Variants in CNTLN observed in about 807,000 individuals in gnomAD.
The protein encoded by CNTLN is centlein, centrosomal protein.
CNTLN carries 212 observed loss-of-function variants against 180.0 expected under a neutral mutation model. That is an observed-to-expected ratio of 1.18 (90% CI 1.05 to 1.32). The LOEUF (loss-of-function observed/expected upper bound fraction) is 1.32, where lower values mean the gene tolerates loss of function less well. Ranked by LOEUF, CNTLN falls within the 40% of genes most tolerant of loss-of-function variation. The pLI is 0.00. For missense variants in CNTLN, 2,095 were observed against 1,610.9 expected (o/e 1.30, Z -5.14); for synonymous variants, 722 against 563.1 (o/e 1.28, Z -3.99).
the CNTLN span, among the ~76,000 whole-genome samples, chr9:17,521,989 G>C: frequency 6.6e-6 from 1 of 151,714 alleles, no homozygotes; most frequent in Non-Finnish European, 1.5e-5. Context: ...ATCATATTGG[G>C]TTGTAGAATC....
intron 2 of CNTLN, among the ~76,000 whole-genome samples, chr9:17,216,357 TC>T (rs1823753970): frequency 2.0e-5 from 3 of 152,194 alleles, no homozygotes; most frequent in African/African-American, 7.2e-5. Flanking sequence ...AATACTTTTT[TC>T]TTGTGCTCAC....
At chr9:17,398,062 C>T (rs1826672707) in intron 15 of CNTLN, among the ~76,000 whole-genome samples, 1 of 151,824 alleles carries the variant, frequency 6.6e-6, no homozygotes, top group East Asian at 1.9e-4. Context: ...AATACTATAT[C>T]ATATGATTAT....
intron 5 of CNTLN, among the ~76,000 whole-genome samples, chr9:17,262,578 G>A (rs1448175603): frequency 6.6e-6 from 1 of 151,412 alleles, no homozygotes; most frequent in Non-Finnish European, 1.5e-5. Context: ...CTGTTGTGGG[G>A]TAGTGGGGAA....
At position 17,277,186 on chromosome 9, in the gene CNTLN, C is replaced by G. The variant is rs551351389; in HGVS notation, c.983+3320C>G. 6.3e-5 allele frequency among the ~76,000 whole-genome samples: 6 copies of G among 95,354 alleles called. No individual in the cohort carries two copies. The East Asian group carries it at 1.3e-3, about 21-fold the overall frequency. 62.6% of individuals were successfully genotyped at this position (95,354 alleles called of 152,430 possible). ...AAGGATATTTTTGTGAACTCTACCT[C>G]AAATGATTTTTGCCTAGGTTACAGT... On this transcript the variant is annotated intron_variant, in intron 6 of 25. Transcript: ENST00000380647.
chr9:17,433,219 G>C (rs1829536925), intron 18 of CNTLN, among the ~76,000 whole-genome samples: 1 of 151,814 alleles, frequency 6.6e-6, no homozygotes, highest in Non-Finnish European at 1.5e-5. Flanking sequence ...TAAGCTTTAA[G>C]TATGATGCTT....
intron 18 of CNTLN, among the ~76,000 whole-genome samples, chr9:17,442,095 A>T (rs934350940): frequency 1.3e-5 from 2 of 152,182 alleles, no homozygotes; most frequent in African/African-American, 4.8e-5. Flanking sequence ...AGACGTAAGT[A>T]CTCCACTTTC....
intron 23 of CNTLN, among the ~76,000 whole-genome samples, chr9:17,467,843 A>G (rs111614241): frequency 0.014 from 2,156 of 151,802 alleles, 16 homozygotes; most frequent in Non-Finnish European, 0.025. Flanking sequence ...AAATTCTCAA[A>G]AAGTGAAAAA....
At position 17,457,693 on chromosome 9, in the gene CNTLN, A is replaced by T. The variant is rs762648975; in HGVS notation, c.3284A>T (p.Lys1095Met). 9.3e-5 allele frequency: 139 copies of T among 1,495,508 alleles called. No individual in the cohort carries two copies. Among genetic ancestry groups the T allele is most frequent in the Non-Finnish European group, 1.1e-4 (128 of 1,120,174 alleles). The allele number at this position is 1,495,508 out of a possible 1,614,324, so 92.6% of individuals were successfully genotyped here. The part of the protein sequence containing the change: ...SPSRSMDLEM[K>M]QLQYKLKNAT... ...TCAAGGAGCATGGATTTGGAAATGAAGCAATTGCAGTATAAACTAAAGGTG... is the reference window on the plus strand; with the variant it reads ...TCAAGGAGCATGGATTTGGAAATGATGCAATTGCAGTATAAACTAAAGGTG... Residue 1095 changes from lysine (K) to methionine (M), a missense_variant, in exon 19 of 26, where the codon AAG (lysine) becomes ATG (methionine). Coordinates refer to ENST00000380647, the MANE Select transcript of CNTLN (RefSeq NM_017738.4).
intron 2 of CNTLN, among the ~76,000 whole-genome samples, chr9:17,177,403 T>G (rs111325437): frequency 6.6e-6 from 1 of 151,854 alleles, no homozygotes; most frequent in Non-Finnish European, 1.5e-5. Context: ...AACAAGACTC[T>G]GTCTCAAAAA....
chr9:17,498,146 T>C (rs574443307), intron 25 of CNTLN, among the ~76,000 whole-genome samples: 32 of 152,330 alleles, frequency 2.1e-4, no homozygotes, highest in African/African-American at 7.7e-4. Context: ...TTGTCCTTTA[T>C]ACTTAAAAGT....
At chr9:17,425,833 A>G (rs969762722) in intron 18 of CNTLN, among the ~76,000 whole-genome samples, 1 of 152,208 alleles carries the variant, frequency 6.6e-6, no homozygotes, top group African/African-American at 2.4e-5. Flanking sequence ...ATTTCTAAGC[A>G]AGCATTACAG....
chr9:17,182,290 C>G (rs191753686), intron 2 of CNTLN, among the ~76,000 whole-genome samples: 14 of 151,678 alleles, frequency 9.2e-5, no homozygotes, highest in Admixed American at 6.6e-4. Context: ...AGGCTTTTTT[C>G]TTTCTGTACT....
chr9:17,486,540 A>C (rs1428273766), intron 24 of CNTLN, among the ~76,000 whole-genome samples: 1 of 152,144 alleles, frequency 6.6e-6, no homozygotes, highest in Non-Finnish European at 1.5e-5. Context: ...GCATTTAAAT[A>C]TACCGGAGTC....
chr9:17,268,565 G>A (rs954778626), intron 5 of CNTLN, among the ~76,000 whole-genome samples: 1 of 152,154 alleles, frequency 6.6e-6, no homozygotes, highest in South Asian at 2.1e-4. Context: ...TCTCTTCAAA[G>A]CTGTCAGACA....
At chr9:17,377,611 A>T (rs1333830983) in intron 13 of CNTLN, among the ~76,000 whole-genome samples, 1 of 152,202 alleles carries the variant, frequency 6.6e-6, no homozygotes, top group Non-Finnish European at 1.5e-5. Context: ...AAGGAATGAA[A>T]GTAGCCATAT....
At chr9:17,370,441 T>A (rs1824223058) in intron 13 of CNTLN, among the ~76,000 whole-genome samples, 1 of 152,204 alleles carries the variant, frequency 6.6e-6, no homozygotes, top group Non-Finnish European at 1.5e-5. Context: ...AACAGACTTT[T>A]GCCCTGGAAT....
At chr9:17,523,735 C>A in the CNTLN span, among the ~76,000 whole-genome samples, 1 of 152,174 alleles carries the variant, frequency 6.6e-6, no homozygotes, top group Admixed American at 6.5e-5. Context: ...TCTGAGACTT[C>A]TAGAACTTTT....
At chr9:17,370,122 A>G (rs1321565415) in intron 13 of CNTLN, among the ~76,000 whole-genome samples, 1 of 152,228 alleles carries the variant, frequency 6.6e-6, no homozygotes, top group Non-Finnish European at 1.5e-5. Flanking sequence ...AGTGAAAAAG[A>G]CAGGAGTACA....
At position 17,309,078 on chromosome 9, in the gene CNTLN, T is replaced by C. The variant is rs1818944161; in HGVS notation, c.1167T>C (p.Ile389=). 6.3e-7 allele frequency: 1 copy of C among 1,588,928 alleles called. No homozygotes were observed. The highest frequency in any genetic ancestry group is 1.9e-5 in the Admixed American group (1 of 52,518). ...SYQKLYNELH[I]CFETTKSNEA... Reference sequence around the variant, plus strand: ...AACAGCTTTACAATGAGTTACATATTTGTTTTGAAACCACAAAATCAAATG... The same window carrying C: ...AACAGCTTTACAATGAGTTACATATCTGTTTTGAAACCACAAAATCAAATG... Residue 389 remains isoleucine (I), a synonymous_variant, in exon 8 of 26, where the codon ATT becomes ATC. Coordinates refer to ENST00000380647, the MANE Select transcript of CNTLN (RefSeq NM_017738.4).
Sources: gnomAD v4.1 joint callset for allele counts (sites outside exome capture counted in the v4.1 genomes callset) on GRCh38, gnomAD v4.1.1 for gene constraint, MANE v1.5 for transcripts, NCBI Gene and HGNC (gene_info 2026-07-23, HGNC 2026-07-21) for gene names.